SLCO5A1: variants seen among roughly 807,000 people sequenced by gnomAD.
The protein encoded by SLCO5A1 is organic anion transporter polypeptide-related protein 4.
In SLCO5A1, 39 loss-of-function variants were observed where a neutral mutation model predicts 65.1. The ratio of observed to expected loss-of-function variants is 0.60; its 90% CI spans 0.46 to 0.78. The LOEUF (loss-of-function observed/expected upper bound fraction) is 0.78. Among genes scored for constraint, SLCO5A1 ranks in the 30% least tolerant of loss-of-function variants. The pLI, the probability that SLCO5A1 is intolerant of heterozygous loss-of-function variation, is 0.00. For synonymous variants in SLCO5A1, 438 were observed against 415.7 expected (o/e 1.05, Z -0.65); for missense variants, 1,029 against 1,069.4 (o/e 0.96, Z 0.53).
chr8:69,734,170 T>G (rs1021170516), intron 5 of SLCO5A1, among the ~76,000 whole-genome samples: 2 of 152,158 alleles, frequency 1.3e-5, no homozygotes, highest in African/African-American at 2.4e-5. Flanking sequence ...GAAGTGGAGC[T>G]GAAGGTCCCT....
chr8:69,677,782 C>G (rs1157213873), intron 8 of SLCO5A1, among the ~76,000 whole-genome samples: 2 of 152,226 alleles, frequency 1.3e-5, no homozygotes, highest in Non-Finnish European at 2.9e-5. Flanking sequence ...GCCAACTGCC[C>G]TTGCTAAGCA....
At chr8:69,791,483 T>A (rs113516716) in intron 2 of SLCO5A1, among the ~76,000 whole-genome samples, 2,558 of 152,366 alleles carry the variant, frequency 0.017, 60 homozygotes, top group African/African-American at 0.059. Flanking sequence ...GTGCTTTGTT[T>A]GTTTAGAAGA....
intron 4 of SLCO5A1, among the ~76,000 whole-genome samples, chr8:69,742,491 G>A (rs1418456150): frequency 6.6e-6 from 1 of 152,106 alleles, no homozygotes; most frequent in Non-Finnish European, 1.5e-5. Flanking sequence ...GCCTTAAACA[G>A]TAGTAAAGTA....
chr8:69,745,951 T>G, intron 4 of SLCO5A1, among the ~76,000 whole-genome samples: 1 of 152,200 alleles, frequency 6.6e-6, no homozygotes, highest in East Asian at 1.9e-4. Flanking sequence ...TGTATTACTT[T>G]TAGGATCTTG....
chr8:69,831,011 G>A (rs996695596), intron 2 of SLCO5A1, among the ~76,000 whole-genome samples: 5 of 152,184 alleles, frequency 3.3e-5, no homozygotes, highest in African/African-American at 9.7e-5. Context: ...AAGAAAAACA[G>A]GTATGAATCC....
intron 5 of SLCO5A1, among the ~76,000 whole-genome samples, chr8:69,710,401 T>C (rs1470299225): frequency 6.6e-6 from 1 of 151,870 alleles, no homozygotes; most frequent in Non-Finnish European, 1.5e-5. Context: ...AAAGGGAAGT[T>C]TGGATAGAAA....
chr8:69,729,446 C>CAAAAAAAAAAAAA (rs56392223), intron 5 of SLCO5A1, among the ~76,000 whole-genome samples: 1 of 80,486 alleles, frequency 1.2e-5, no homozygotes, highest in Non-Finnish European at 2.2e-5. Context: ...TCCGTCCCAA[C>CAAAAAAAAAAAAA]AAAAAAAAAA....
intron 9 of SLCO5A1, among the ~76,000 whole-genome samples, chr8:69,674,601 G>A (rs1376301195): frequency 6.6e-6 from 1 of 152,092 alleles, no homozygotes; most frequent in East Asian, 1.9e-4. Flanking sequence ...ATAAATGTCT[G>A]AAATGTTCTC....
chr8:69,806,078 G>A (rs746599673), intron 2 of SLCO5A1, among the ~76,000 whole-genome samples: 14 of 152,116 alleles, frequency 9.2e-5, no homozygotes, highest in South Asian at 2.1e-4. Flanking sequence ...CCCAACCCCC[G>A]CCAGAGGAAG....
intron 2 of SLCO5A1, among the ~76,000 whole-genome samples, chr8:69,803,711 G>T (rs1439947657): frequency 3.3e-5 from 5 of 152,182 alleles, no homozygotes; most frequent in Admixed American, 3.3e-4. Context: ...GTGTATGGCT[G>T]GGTGTGGTGC....
Position 69,673,203 on chromosome 8 carries a change from T to C in SLCO5A1, c.2213A>G (p.Tyr738Cys). The change falls in exon 10 of 10, where the codon TAT (tyrosine) becomes TGT (cysteine). Residue 738 changes from tyrosine to cysteine, a missense_variant. Around this residue, in one of 3 missense-constraint regions of SLCO5A1, gnomAD observed 258 missense variants for 237.4 expected, o/e 1.09. Transcript: ENST00000260126. ...TTTGAGGCCGGCAGCCAAACCAAAA[T>C]ACACAAAACGAAACGACGTCACGTT... The part of the protein sequence containing the change: ...EYNVTSFRFV[Y>C]FGLAAGLKFV... 1.9e-6 allele frequency: 3 copies of C among 1,614,004 alleles called. No individual in the cohort carries two copies. Among genetic ancestry groups the C allele is most frequent in the Non-Finnish European group, 2.5e-6 (3 of 1,179,996 alleles).
chr8:69,699,564 C>G (rs1279713204), intron 6 of SLCO5A1, among the ~76,000 whole-genome samples: 1 of 72,628 alleles, frequency 1.4e-5, no homozygotes, highest in Admixed American at 9.8e-5. Flanking sequence ...CACACACACA[C>G]AGCAAACTGC....
In SLCO5A1 at chr8:69,772,995, G is replaced by A. The variant is rs148505363; in HGVS notation, c.908-11120C>T. ...GTGGACTGTGGGAAAGGAATGATAC[G>A]TTATAATTAGTTGGGGAGGGAGGAC... is the stretch of plus-strand genomic sequence containing the variant. On this transcript the variant is annotated intron_variant, in intron 2 of 9. Coordinates refer to ENST00000260126, the MANE Select transcript of SLCO5A1 (RefSeq NM_030958.3). The A allele has an allele frequency of 2.0e-5, 20 of 982,728 alleles. No homozygotes were observed. The East Asian group carries it at 8.0e-4, about 39-fold the overall frequency. 60.9% of individuals were successfully genotyped at this position (982,728 alleles called of 1,614,324 possible). A position where few individuals can be genotyped will look rare whatever the true frequency, so the allele number is the denominator to read the frequency against.
chr8:69,673,292 G>C lies in SLCO5A1; in HGVS notation c.2124C>G (p.Val708=). 2 of 1,614,168 alleles carry C rather than the reference G, an allele frequency of 1.2e-6. No homozygotes were observed. The highest frequency in any genetic ancestry group is 8.5e-7 in the Non-Finnish European group (1 of 1,180,010). Residue 708 remains valine, a synonymous_variant, in exon 10 of 10, where the codon GTC becomes GTG. Transcript: ENST00000260126. ...GCCAGAGCATGCAGGTGGTGTCAAT[G>C]ACTGCTCCAAAGTAGATTGGAGTAG... ...YIPTPIYFGA[V]IDTTCMLWQQ...
Position 69,832,087 on chromosome 8 carries a change from A to G in SLCO5A1, c.587T>C (p.Leu196Pro). 6.2e-7 allele frequency: 1 copy of G among 1,613,770 alleles called. No individual in the cohort carries two copies. The highest frequency in any genetic ancestry group is 2.2e-5 in the East Asian group (1 of 44,870). Residue 196 changes from leucine (L) to proline (P), a missense_variant, in exon 2 of 10, where the codon CTG becomes CCG. This residue lies in a region of SLCO5A1 where 647 missense variants were observed against 647.5 expected (regional missense o/e 1.00). Coordinates refer to ENST00000260126, the MANE Select transcript of SLCO5A1 (RefSeq NM_030958.3). The surrounding 1 kb of genome is among the most constrained non-coding windows in gnomAD (Gnocchi z 4.5). ...GAGGAGTCCACCCACGGCCAGCCAC[A>G]GGGGCCGCCGACCCCGGCCGCCGAA... ...SYFGGRGRRP[L>P]WLAVGGLLIA... is the part of the protein sequence containing the mutation.
rs184136850 is a variant in SLCO5A1 at position 69,805,307 on chromosome 8, A to G, written c.907+26460T>C. On this transcript the variant is annotated intron_variant, in intron 2 of 9. Transcript: ENST00000260126. ...CCCAATGGCCACTCTAATGTTCTCA[A>G]ATAAATTGCTACTGAATCCCCTGAA... is the stretch of plus-strand genomic sequence containing the variant. 2.0e-4 allele frequency among the ~76,000 whole-genome samples: 31 copies of G among 152,264 alleles called. No homozygotes were observed. In the East Asian group the frequency reaches 5.8e-3, roughly 28 times the overall value.
At chr8:69,695,787 C>A (rs1453434098) in intron 6 of SLCO5A1, among the ~76,000 whole-genome samples, 1 of 152,102 alleles carries the variant, frequency 6.6e-6, no homozygotes, top group Non-Finnish European at 1.5e-5. Context: ...GAAAACAATA[C>A]TGTGTTAGAC....
Position 69,805,554 on chromosome 8 carries a change from T to C in SLCO5A1, c.907+26213A>G, listed in dbSNP as rs138164713. ...AACTAGGCAGAGGGCAAAGATACAA[T>C]GAATTATGGTGGGAGAATTCTTCAT... On this transcript the variant is annotated intron_variant, in intron 2 of 9. Coordinates refer to ENST00000260126, the MANE Select transcript of SLCO5A1 (RefSeq NM_030958.3). Among the ~76,000 whole-genome samples the C allele has an allele frequency of 3.4e-4, 52 of 152,322 alleles. No individual in the cohort carries two copies. In the East Asian group the frequency reaches 8.1e-3, roughly 24 times the overall value.
intron 5 of SLCO5A1, among the ~76,000 whole-genome samples, chr8:69,712,518 A>C (rs1185354017): frequency 6.6e-6 from 1 of 152,218 alleles, no homozygotes; most frequent in Non-Finnish European, 1.5e-5. Context: ...GAAAACCTGA[A>C]CCAAAGGAGA....
Sources: allele counts gnomAD v4.1 joint callset (sites outside exome capture counted in the v4.1 genomes callset), GRCh38; gene constraint gnomAD v4.1.1; regional missense constraint gnomAD v4.1.1; non-coding constraint Gnocchi (gnomAD v3.1); transcripts MANE v1.5; gene names NCBI Gene and HGNC (gene_info 2026-07-23, HGNC 2026-07-21).